Variants in GRID2 observed in about 807,000 individuals in gnomAD.
GRID2 encodes glutamate receptor ionotropic, delta-2.
In GRID2, 33 loss-of-function variants were observed where a neutral mutation model predicts 114.8. The observed-to-expected ratio is 0.29, with a 90% CI of 0.22 to 0.38. The LOEUF is 0.38. Among genes scored for constraint, GRID2 ranks in the 10% least tolerant of loss-of-function variants. The pLI is 1.00. For synonymous variants in GRID2, 505 were observed against 449.9 expected (o/e 1.12, Z -1.55); for missense variants, 1,184 against 1,257.7 (o/e 0.94, Z 0.89).
At chr4:93,224,093 C>T (rs1745200698) in intron 6 of GRID2, among the ~76,000 whole-genome samples, 1 of 152,092 alleles carries the variant, frequency 6.6e-6, no homozygotes, top group African/African-American at 2.4e-5. Context: ...TGTGTTCTTT[C>T]ATTATTTCAT....
intron 8 of GRID2, among the ~76,000 whole-genome samples, chr4:93,267,241 G>T (rs1347988167): frequency 6.6e-6 from 1 of 150,526 alleles, no homozygotes; most frequent in African/African-American, 2.5e-5. Flanking sequence ...CATTGTGCAG[G>T]TTAGTTACAT....
At chr4:92,955,486 G>A (rs1336639700) in intron 2 of GRID2, among the ~76,000 whole-genome samples, 4 of 151,774 alleles carry the variant, frequency 2.6e-5, no homozygotes, top group Non-Finnish European at 4.4e-5. Flanking sequence ...TTGTAAATTT[G>A]TTTGAGTTCA....
At chr4:92,319,764 G>T (rs1341999825) in intron 1 of GRID2, among the ~76,000 whole-genome samples, 2 of 152,156 alleles carry the variant, frequency 1.3e-5, no homozygotes, top group Non-Finnish European at 2.9e-5. Context: ...GTGTCTGGCA[G>T]AATACATACA....
intron 8 of GRID2, among the ~76,000 whole-genome samples, chr4:93,374,900 G>A (rs1763232119): frequency 6.6e-6 from 1 of 152,126 alleles, no homozygotes. Flanking sequence ...TGGGACTAAA[G>A]TCAATCGACC....
rs148611759 is a variant in GRID2 at position 92,781,989 on chromosome 4, C to G, written c.244+191703C>G. 7.9e-3 allele frequency among the ~76,000 whole-genome samples: 1,208 copies of G among 152,008 alleles called. 21 individuals are homozygous for G. The highest frequency in any genetic ancestry group is 0.028 in the African/African-American group (1,158 of 41,514). On this transcript the variant is annotated intron_variant, in intron 2 of 15. Coordinates refer to ENST00000282020, the MANE Select transcript of GRID2 (RefSeq NM_001510.4). ...ATAGGGACTTTATTGTTTTTACTTT[C>G]GGTATCCTTAATGCTTAGTACAGTA...
chr4:92,863,351 T>C (rs1744655556), intron 2 of GRID2, among the ~76,000 whole-genome samples: 1 of 152,114 alleles, frequency 6.6e-6, no homozygotes, highest in Non-Finnish European at 1.5e-5. Context: ...ACAGTCCCTA[T>C]GAAGTTTTGA....
In GRID2 at chr4:93,110,790, A is replaced by G. The variant is rs758596941; in HGVS notation, c.572A>G (p.Gln191Arg). 5.6e-6 allele frequency: 9 copies of G among 1,613,060 alleles called. No individual in the cohort carries two copies. In the African/African-American group the frequency reaches 1.2e-4, roughly 22 times the overall value. Residue 191 changes from glutamine to arginine, a missense_variant, in exon 4 of 16, where the codon CAG becomes CGG. Gln to Arg is a conservative substitution (Grantham distance 43). Coordinates refer to ENST00000282020, the MANE Select transcript of GRID2 (RefSeq NM_001510.4). ...GAGTTCTTGGACAAAGTCTCTCAGCAGGGAATGGATGTTGCACTTCAGAAG... is the reference window on the plus strand; with the variant it reads ...GAGTTCTTGGACAAAGTCTCTCAGCGGGGAATGGATGTTGCACTTCAGAAG... ...IQEFLDKVSQ[Q>R]GMDVALQKVE...
chr4:93,079,934 T>A, intron 2 of GRID2, among the ~76,000 whole-genome samples: 1 of 152,300 alleles, frequency 6.6e-6, no homozygotes, highest in Admixed American at 6.5e-5. Flanking sequence ...ATATTTTTTC[T>A]GTATTTTCAC....
At chr4:93,115,441 A>G (rs1157953396) in intron 4 of GRID2, among the ~76,000 whole-genome samples, 4 of 150,966 alleles carry the variant, frequency 2.6e-5, no homozygotes, top group African/African-American at 9.8e-5. Flanking sequence ...TATTTTTCTT[A>G]CATAAATAGT....
At chr4:92,386,295 C>CAA (rs1729957410) in intron 1 of GRID2, among the ~76,000 whole-genome samples, 2 of 151,808 alleles carry the variant, frequency 1.3e-5, no homozygotes, top group South Asian at 4.2e-4. Flanking sequence ...TCAGTTTATT[C>CAA]ATGCTGAGGG....
intron 13 of GRID2, among the ~76,000 whole-genome samples, chr4:93,587,225 T>C (rs1376205960): frequency 6.6e-6 from 1 of 152,122 alleles, no homozygotes; most frequent in Non-Finnish European, 1.5e-5. Context: ...TGTATAAAAT[T>C]AGATGCACAG....
At chr4:92,881,740 TGA>T (rs1471811622) in intron 2 of GRID2, among the ~76,000 whole-genome samples, 1 of 152,176 alleles carries the variant, frequency 6.6e-6, no homozygotes, top group Non-Finnish European at 1.5e-5. Flanking sequence ...AAATGAATGT[TGA>T]GAAAAATATT....
chr4:92,985,727 G>C (rs189721170), intron 2 of GRID2, among the ~76,000 whole-genome samples: 8 of 152,160 alleles, frequency 5.3e-5, no homozygotes, highest in Admixed American at 3.3e-4. Flanking sequence ...AATACCCAAA[G>C]GCGAACTGTA....
chr4:92,338,763 G>A (rs1727322034), intron 1 of GRID2, among the ~76,000 whole-genome samples: 1 of 152,026 alleles, frequency 6.6e-6, no homozygotes. Flanking sequence ...AGCATATTTT[G>A]TGTACACGTA....
At chr4:92,817,163 T>C (rs2149383686) in intron 2 of GRID2, among the ~76,000 whole-genome samples, 1 of 152,278 alleles carries the variant, frequency 6.6e-6, no homozygotes, top group East Asian at 1.9e-4. Flanking sequence ...TTCAATTTAG[T>C]ATGTTTCCTT....
At chr4:93,249,160 T>A (rs2149528111) in intron 8 of GRID2, among the ~76,000 whole-genome samples, 1 of 152,322 alleles carries the variant, frequency 6.6e-6, no homozygotes. Flanking sequence ...TTTGTCAGAT[T>A]TGTCAAAGAT....
At chr4:93,158,641 A>T (rs1737396183) in intron 4 of GRID2, among the ~76,000 whole-genome samples, 1 of 151,768 alleles carries the variant, frequency 6.6e-6, no homozygotes, top group African/African-American at 2.4e-5. Context: ...ACACACAAAT[A>T]CCTACATCTA....
intron 2 of GRID2, among the ~76,000 whole-genome samples, chr4:92,695,331 A>G (rs1318958275): frequency 6.6e-6 from 1 of 151,818 alleles, no homozygotes; most frequent in African/African-American, 2.4e-5. Context: ...AGTTTTTTTT[A>G]TATCTCCTCT....
At chr4:92,346,688 G>T (rs1727779774) in intron 1 of GRID2, among the ~76,000 whole-genome samples, 1 of 152,076 alleles carries the variant, frequency 6.6e-6, no homozygotes, top group Non-Finnish European at 1.5e-5. Context: ...ATATCAGGGA[G>T]AAAATCAACA....
Sources: gnomAD v4.1 joint callset for allele counts (sites outside exome capture counted in the v4.1 genomes callset) on GRCh38, gnomAD v4.1.1 for gene constraint, MANE v1.5 for transcripts, NCBI Gene and HGNC (gene_info 2026-07-23, HGNC 2026-07-21) for gene names.